The following KLC1 variants were observed in gnomAD, a reference collection of about 807,000 sequenced individuals.
KLC1 encodes the protein kinesin light chain 1.
In KLC1, 30 loss-of-function variants were observed where a neutral mutation model predicts 84.2. The observed-to-expected ratio is 0.36, with a 90% confidence interval of 0.27 to 0.48. The LOEUF is 0.48. Ranked by LOEUF, KLC1 falls within the 20% of genes least tolerant of loss-of-function variation. KLC1 has a pLI of 0.99. For missense variants in KLC1, 499 were observed against 805.4 expected, an observed-to-expected ratio of 0.62 and a Z score of 4.60; for synonymous variants, 289 against 293.3, an observed-to-expected ratio of 0.99 and a Z score of 0.15.
chr14:103,666,202 T>A (rs2079788739), intron 5 of KLC1, among the ~76,000 whole-genome samples: 1 of 152,188 alleles, frequency 6.6e-6, no homozygotes, highest in African/African-American at 2.4e-5. Context: ...TAGCTGGGAC[T>A]ACAGGCGCCT....
At position 103,679,564 on chromosome 14, in the gene KLC1, G is replaced by A. The variant is rs1031430681; in HGVS notation, c.1650+19G>A. ...GAACGGGGTAAGTACAGTACACAGC[G>A]GGCACGTGCTCCGGGAGGCGCCCCC... On this transcript the variant is annotated intron_variant, in intron 13 of 16. Transcript: ENST00000334553. 3.8e-6 allele frequency: 6 copies of A among 1,590,158 alleles called. No individual in the cohort carries two copies. Among genetic ancestry groups the A allele is most frequent in the South Asian group, 1.1e-5 (1 of 90,042 alleles).
At position 103,697,059 on chromosome 14, in the gene KLC1, C is replaced by T. The variant is rs550243179; in HGVS notation, c.1849-3596C>T. 7 of 985,466 alleles carry T rather than the reference C, an allele frequency of 7.1e-6. No individual in the cohort carries two copies. In the Admixed American group the frequency reaches 4.3e-4, roughly 60 times the overall value. The allele number at this position is 985,466 out of a possible 1,614,324, so 61.0% of individuals were successfully genotyped here. On this transcript the variant is annotated intron_variant, in intron 15 of 16. Transcript: ENST00000334553. ...AAATGTACCTCTGTCTTTAAGCTGT[C>T]TCATTTTCTAATCGCTGGCATGTCT...
intron 5 of KLC1, among the ~76,000 whole-genome samples, chr14:103,667,121 A>AT (rs1016148211): frequency 4.1e-5 from 6 of 146,158 alleles, no homozygotes; most frequent in African/African-American, 1.5e-4. Flanking sequence ...ATTTTATTTT[A>AT]TTTTTTTTAC....
At chr14:103,645,265 G>A (rs1467908374) in intron 1 of KLC1, among the ~76,000 whole-genome samples, 1 of 151,374 alleles carries the variant, frequency 6.6e-6, no homozygotes, top group Non-Finnish European at 1.5e-5. Context: ...GAGCCACTGC[G>A]CCTGGCCTGG....
At chr14:103,630,281 G>A (rs2076575909) in intron 1 of KLC1, among the ~76,000 whole-genome samples, 1 of 152,220 alleles carries the variant, frequency 6.6e-6, no homozygotes, top group Admixed American at 6.5e-5. Context: ...ATGCGTGATG[G>A]AGTGGATGGT....
intron 1 of KLC1, among the ~76,000 whole-genome samples, chr14:103,632,136 A>G (rs1260889776): frequency 1.3e-5 from 2 of 152,106 alleles, no homozygotes; most frequent in East Asian, 3.9e-4. Flanking sequence ...CATGCCTGTA[A>G]TCTTAACTCT....
chr14:103,665,791 T>C (rs2079730686), intron 5 of KLC1, among the ~76,000 whole-genome samples: 1 of 152,188 alleles, frequency 6.6e-6, no homozygotes, highest in Non-Finnish European at 1.5e-5. Flanking sequence ...TATAAACATT[T>C]TATAGTCCTT....
At chr14:103,677,972 A>G (rs200328344) in intron 12 of KLC1, among the ~76,000 whole-genome samples, 1 of 29,298 alleles carries the variant, frequency 3.4e-5, no homozygotes, top group East Asian at 7.2e-4. Context: ...GTCTCAATTT[A>G]AAAAAAAAAA....
rs773920579 is a variant in KLC1 at position 103,693,580 on chromosome 14, C to A, written c.1848+1155C>A. ...ACGAAATAATTGTCTGGCCGACTCG[C>A]GAGCTCTGAGTGCCAGCCACACTGA... On this transcript the variant is annotated intron_variant, in intron 15 of 16. Transcript: ENST00000334553. This position sits in a 1 kb window ranked among gnomAD's most constrained non-coding sequence, Gnocchi z 5.1. 1.3e-6 allele frequency: 2 copies of A among 1,536,112 alleles called. No homozygotes were observed. Among genetic ancestry groups the A allele is most frequent in the Admixed American group, 3.9e-5 (2 of 51,000 alleles).
chr14:103,687,261 C>T, intron 14 of KLC1, 50 bp downstream of exon 14: 6 of 1,484,456 alleles, frequency 4.0e-6, no homozygotes, highest in Non-Finnish European at 4.5e-6. Context: ...GGCTGCTGGG[C>T]CGCTTCTCTT....
intron 14 of KLC1, chr14:103,688,181 G>C (rs1346692375): frequency 6.6e-6 from 1 of 152,168 alleles, no homozygotes; most frequent in African/African-American, 2.4e-5. Context: ...ATGGAGTTTC[G>C]TTCTTGTTCC....
intron 5 of KLC1, 88 bp downstream of exon 5, chr14:103,663,015 G>A (rs7150141): frequency 0.34 from 276,750 of 823,684 alleles, 48,873 homozygotes; most frequent in Middle Eastern, 0.37. Context: ...TTATGTATCT[G>A]TATAAACTAT....
chr14:103,692,870 A>G (rs2082201666), intron 15 of KLC1, among the ~76,000 whole-genome samples: 1 of 152,248 alleles, frequency 6.6e-6, no homozygotes, highest in African/African-American at 2.4e-5. Flanking sequence ...GCGTGCTGTC[A>G]GTTTGACACT....
At chr14:103,674,089 C>A (rs1357529814) in intron 9 of KLC1, among the ~76,000 whole-genome samples, 1 of 152,150 alleles carries the variant, frequency 6.6e-6, no homozygotes, top group Non-Finnish European at 1.5e-5. Flanking sequence ...AATCCATCTT[C>A]ATGTCCTCAT....
intron 1 of KLC1, among the ~76,000 whole-genome samples, chr14:103,642,537 G>T (rs886736067): frequency 1.3e-5 from 2 of 152,126 alleles, no homozygotes; most frequent in Non-Finnish European, 1.5e-5. Flanking sequence ...TGATTCCATT[G>T]TACCAAAACA....
At chr14:103,700,582 C>T (rs765919071) in intron 15 of KLC1, 73 bp from the exon 16 acceptor site, 10 of 1,241,276 alleles carry the variant, frequency 8.1e-6, no homozygotes, top group South Asian at 3.7e-5. Flanking sequence ...GCTGGTGTCA[C>T]GCCCGGAGCT....
chr14:103,633,257 C>T (rs552322038), intron 1 of KLC1, among the ~76,000 whole-genome samples: 5 of 152,188 alleles, frequency 3.3e-5, no homozygotes, highest in South Asian at 2.1e-4. Context: ...CGGGGTTTCA[C>T]CACGTTAGCC....
chr14:103,640,016 A>G (rs1162370273), intron 1 of KLC1, among the ~76,000 whole-genome samples: 1 of 152,140 alleles, frequency 6.6e-6, no homozygotes, highest in Non-Finnish European at 1.5e-5. Context: ...TGGCCTCCCA[A>G]AGTGCTGGGA....
chr14:103,631,140 G>T (rs912311946), intron 1 of KLC1, among the ~76,000 whole-genome samples: 24 of 151,956 alleles, frequency 1.6e-4, no homozygotes, highest in African/African-American at 5.5e-4. Flanking sequence ...GAGTGTAGTG[G>T]CGCGATCTCG....
Sources: gnomAD v4.1 joint callset for allele counts (sites outside exome capture counted in the v4.1 genomes callset) on GRCh38, gnomAD v4.1.1 for gene constraint, Gnocchi (gnomAD v3.1) non-coding constraint, MANE v1.5 for transcripts, NCBI Gene and HGNC (gene_info 2026-07-23, HGNC 2026-07-21) for gene names.